The following FRAS1 variants were observed in gnomAD, a reference collection of about 807,000 sequenced individuals.
FRAS1 encodes the protein Fraser extracellular matrix complex subunit 1.
FRAS1 carries 290 observed loss-of-function variants against 435.2 expected under a neutral mutation model. The observed-to-expected ratio is 0.67, with a 90% CI of 0.61 to 0.73. The LOEUF (loss-of-function observed/expected upper bound fraction) is 0.73, where lower values mean the gene tolerates loss of function less well. Ranked by LOEUF, FRAS1 falls within the 30% of genes least tolerant of loss-of-function variation. The pLI, the probability that FRAS1 is intolerant of heterozygous loss-of-function variation, is 0.00. For synonymous variants in FRAS1, 1,800 were observed against 1,851.0 expected (o/e 0.97, Z 0.71); for missense variants, 4,860 against 5,001.5 (o/e 0.97, Z 0.85).
chr4:78,507,507 G>A lies in FRAS1; in HGVS notation c.9403G>A (p.Asp3135Asn). Residue 3135 changes from aspartate (D) to asparagine (N), a missense_variant, in exon 62 of 74, where the codon GAT (aspartate) becomes AAT (asparagine). Physicochemically the swap from Asp to Asn is conservative, Grantham distance 23. Transcript: ENST00000512123. Reference sequence around the variant, plus strand: ...ATCTTTCTCACTAGTCCTTGGCCCAGATGACCCAGTGGAAGCAGTTCTTGG... The same window carrying A: ...ATCTTTCTCACTAGTCCTTGGCCCAAATGACCCAGTGGAAGCAGTTCTTGG... ...HESFSLVLGP[D>N]DPVEAVLGDV... 6.2e-7 allele frequency: 1 copy of A among 1,612,582 alleles called. No homozygotes were observed.
At chr4:78,206,669 G>A (rs1000271162) in intron 2 of FRAS1, among the ~76,000 whole-genome samples, 3 of 152,154 alleles carry the variant, frequency 2.0e-5, no homozygotes, top group Non-Finnish European at 4.4e-5. Flanking sequence ...CAGGGTAACT[G>A]AACAATGAAC....
chr4:78,104,064 G>T (rs1237709707), intron 2 of FRAS1, among the ~76,000 whole-genome samples: 2 of 152,162 alleles, frequency 1.3e-5, no homozygotes, highest in Non-Finnish European at 2.9e-5. Flanking sequence ...TCAGGGCTTA[G>T]CTAGTACCTC....
chr4:78,340,986 C>T (rs1730375943), intron 20 of FRAS1, among the ~76,000 whole-genome samples: 1 of 152,112 alleles, frequency 6.6e-6, no homozygotes, highest in African/African-American at 2.4e-5. Context: ...CATGAATTTT[C>T]AGAGAATGAA....
Position 78,387,658 on chromosome 4 carries a change from A to C in FRAS1, c.3932A>C (p.His1311Pro). 6.3e-7 allele frequency: 1 copy of C among 1,593,828 alleles called. No individual in the cohort carries two copies. The highest frequency in any genetic ancestry group is 8.6e-7 in the Non-Finnish European group (1 of 1,168,206). ...DVAVLQANDG[H>P]SFHNILFQVK... is the part of the protein sequence containing the mutation. ...GCAGTCTTGCAGGCCAATGATGGAC[A>C]CTCCTTCCATAATATACTGTTCCAA... The change falls in exon 29 of 74, where the codon CAC (histidine) becomes CCC (proline). Residue 1311 changes from histidine to proline, a missense_variant. Coordinates refer to ENST00000512123, the MANE Select transcript of FRAS1 (RefSeq NM_025074.7).
chr4:78,337,370 G>C (rs1730210729), intron 19 of FRAS1, among the ~76,000 whole-genome samples: 1 of 152,162 alleles, frequency 6.6e-6, no homozygotes, highest in Non-Finnish European at 1.5e-5. Flanking sequence ...CTGTGACTAT[G>C]ATTTGAACTT....
chr4:78,496,568 C>G (rs1720512064), intron 59 of FRAS1, among the ~76,000 whole-genome samples: 2 of 152,184 alleles, frequency 1.3e-5, no homozygotes, highest in African/African-American at 4.8e-5. Context: ...CATAATTCAT[C>G]ACCAATAATT....
At chr4:78,095,060 C>T (rs534125061) in intron 2 of FRAS1, among the ~76,000 whole-genome samples, 1 of 152,290 alleles carries the variant, frequency 6.6e-6, no homozygotes, top group South Asian at 2.1e-4. Flanking sequence ...CACTGGGAAA[C>T]ATTTTTAAAA....
chr4:78,416,289 G>C (rs1733550979), intron 32 of FRAS1, among the ~76,000 whole-genome samples: 1 of 152,138 alleles, frequency 6.6e-6, no homozygotes, highest in Admixed American at 6.5e-5. Flanking sequence ...GGGGTAGAGT[G>C]CGTGATGTGA....
At chr4:78,256,789 A>G (rs1725815455) in intron 6 of FRAS1, among the ~76,000 whole-genome samples, 2 of 152,202 alleles carry the variant, frequency 1.3e-5, no homozygotes, top group Admixed American at 1.3e-4. Context: ...TATTTTAATC[A>G]CTGTTGTATC....
intron 2 of FRAS1, among the ~76,000 whole-genome samples, chr4:78,188,417 A>C (rs1482982356): frequency 6.6e-6 from 1 of 152,164 alleles, no homozygotes; most frequent in African/African-American, 2.4e-5. Context: ...TCAACCTAAT[A>C]TTTCAGGGAA....
rs377136628 is a variant in FRAS1, at chr4:78,337,840, C to G, written c.2422+23C>G. On this transcript the variant is annotated intron_variant, in intron 20 of 73. Coordinates refer to ENST00000512123, the MANE Select transcript of FRAS1 (RefSeq NM_025074.7). Reference sequence around the variant, plus strand: ...CTGGTGAGTGAAACTCCTGTGGACTCCTCGGAAATCACTGGGCAGCTGCCG... The same window carrying G: ...CTGGTGAGTGAAACTCCTGTGGACTGCTCGGAAATCACTGGGCAGCTGCCG... The G allele has an allele frequency of 4.3e-6, 7 of 1,613,438 alleles. No individual in the cohort carries two copies. In the African/African-American group the frequency reaches 9.3e-5, roughly 22 times the overall value.
intron 2 of FRAS1, among the ~76,000 whole-genome samples, chr4:78,177,257 T>TA (rs1214100682): frequency 1.3e-5 from 2 of 152,140 alleles, no homozygotes; most frequent in Non-Finnish European, 2.9e-5. Context: ...TGGCTTGAAA[T>TA]ATAGTTGAGA....
intron 9 of FRAS1, among the ~76,000 whole-genome samples, chr4:78,271,592 G>T (rs1425528697): frequency 2.6e-5 from 4 of 152,134 alleles, no homozygotes. Context: ...GTGATGGTTT[G>T]CTGAGAATGA....
At chr4:78,504,611 G>A (rs377654526) in intron 61 of FRAS1, among the ~76,000 whole-genome samples, 12 of 152,134 alleles carry the variant, frequency 7.9e-5, no homozygotes, top group Admixed American at 3.9e-4. Context: ...TTGAGCATAC[G>A]TGTGTCTCTG....
At chr4:78,372,407 TA>T (rs1402064622) in intron 23 of FRAS1, among the ~76,000 whole-genome samples, 1 of 152,176 alleles carries the variant, frequency 6.6e-6, no homozygotes, top group Non-Finnish European at 1.5e-5. Flanking sequence ...GAAGACTTGA[TA>T]TGGCACAGGG....
At chr4:78,496,304 T>C (rs1247393235) in intron 59 of FRAS1, among the ~76,000 whole-genome samples, 1 of 152,198 alleles carries the variant, frequency 6.6e-6, no homozygotes, top group Non-Finnish European at 1.5e-5. Context: ...GAAAATTCTT[T>C]AGCATTTAAA....
chr4:78,086,430 C>G (rs924957240), intron 2 of FRAS1, among the ~76,000 whole-genome samples: 1 of 151,900 alleles, frequency 6.6e-6, no homozygotes, highest in Non-Finnish European at 1.5e-5. Flanking sequence ...AAGATCAGAG[C>G]AGAACTGAAG....
chr4:78,482,487 A>C lies in FRAS1; in HGVS notation c.8704A>C (p.Thr2902Pro). The C allele has an allele frequency of 1.2e-6, 2 of 1,613,920 alleles. No homozygotes were observed. The highest frequency in any genetic ancestry group is 1.7e-6 in the Non-Finnish European group (2 of 1,179,836). The stretch of plus-strand genomic sequence containing the variant: ...CAGCTCAGCACAAGGAGCCGAACTG[A>C]CCAAACCCTTCCAGGCAGTCATTGC... ...FLSSAQGAEL[T>P]KPFQAVIAIN... Residue 2902 changes from threonine to proline, a missense_variant, in exon 58 of 74, where the codon ACC becomes CCC. Coordinates refer to ENST00000512123, the MANE Select transcript of FRAS1 (RefSeq NM_025074.7).
chr4:78,541,026 G>C lies in FRAS1; in HGVS notation c.11941G>C (p.Glu3981Gln), dbSNP rs1201392430. Residue 3981 changes from glutamate (E) to glutamine (Q), a missense_variant, in exon 74 of 74, where the codon GAG (glutamate) becomes CAG (glutamine). Transcript: ENST00000512123. Reference protein sequence around the residue: ...CTVRNVNILSEPEAAYTFKGA... With the variant: ...CTVRNVNILSQPEAAYTFKGA... ...TGTGCGGAACGTCAACATCCTGAGT[G>C]AGCCTGAGGCGGCTTACACGTTCAA... 2 of 1,525,516 alleles carry C rather than the reference G, an allele frequency of 1.3e-6. No individual in the cohort carries two copies. Among genetic ancestry groups the C allele is most frequent in the East Asian group, 2.3e-5 (1 of 43,638 alleles). The allele number at this position is 1,525,516 out of a possible 1,614,324, so 94.5% of individuals were successfully genotyped here. A position where few individuals can be genotyped will look rare whatever the true frequency, so the allele number is the denominator to read the frequency against.
Sources: gnomAD v4.1 joint callset for allele counts (sites outside exome capture counted in the v4.1 genomes callset) on GRCh38, gnomAD v4.1.1 for gene constraint, MANE v1.5 for transcripts, NCBI Gene and HGNC (gene_info 2026-07-23, HGNC 2026-07-21) for gene names.